CAPN3: variants seen among roughly 807,000 people sequenced by gnomAD.
CAPN3 encodes calpain 3.
In CAPN3, 88 loss-of-function variants were observed where a neutral mutation model predicts 114.0. The observed-to-expected ratio is 0.77, with a 90% CI of 0.65 to 0.92. The LOEUF is 0.92. Ranked by LOEUF, CAPN3 falls within the 40% of genes least tolerant of loss-of-function variation. The pLI, the probability that CAPN3 is intolerant of heterozygous loss-of-function variation, is 0.00. For synonymous variants in CAPN3, 386 were observed against 382.9 expected, an observed-to-expected ratio of 1.01 and a Z score of -0.09; for missense variants, 1,028 against 1,069.0, an observed-to-expected ratio of 0.96 and a Z score of 0.53.
chr15:42,410,861 C>T, intron 21 of CAPN3, 23 bp from the exon 22 acceptor site: 1 of 1,586,722 alleles, frequency 6.3e-7, no homozygotes, highest in East Asian at 2.2e-5. Context: ...CCACGTCCAC[C>T]TCTAACATGG....
intron 17 of CAPN3, 99 bp downstream of exon 17, chr15:42,409,479 A>G: frequency 8.3e-7 from 1 of 1,200,626 alleles, no homozygotes; most frequent in South Asian, 1.3e-5. Context: ...GGTAGAGGTC[A>G]CTTTGGACTT....
Position 42,386,189 on chromosome 15 carries a change from C to T in CAPN3, c.402C>T (p.Ala134=), listed in dbSNP as rs759713838. ...CAGGGGACTGCTGGTTTCTCGCAGC[C>T]ATTGCCTGCCTGACCCTGAACCAGC... ...GELGDCWFLA[A]IACLTLNQHL... is the part of the protein sequence containing the mutation. Residue 134 remains alanine (A), a synonymous_variant, in exon 3 of 24, where the codon GCC becomes GCT. Transcript: ENST00000397163. The T allele has an allele frequency of 3.7e-6, 6 of 1,613,766 alleles. No homozygotes were observed. In the East Asian group the frequency reaches 1.1e-4, roughly 30 times the overall value.
At chr15:42,367,416 G>C (rs2052817287) in intron 1 of CAPN3, among the ~76,000 whole-genome samples, 1 of 152,214 alleles carries the variant, frequency 6.6e-6, no homozygotes, top group Non-Finnish European at 1.5e-5. Flanking sequence ...GTGGCATTCT[G>C]CTGAAGAGGA....
rs1159858023 is a variant in CAPN3, at chr15:42,401,707, C to T, written c.1421C>T (p.Ser474Leu). ...LLEEDDDPDDSEVICSFLVAL... is the reference protein window; with the variant it reads ...LLEEDDDPDDLEVICSFLVAL... ...GAGGAGGACGATGACCCTGATGACT[C>T]GGAGGTGATTTGCAGCTTCCTGGTG... Residue 474 changes from serine (S) to leucine (L), a missense_variant, in exon 11 of 24, where the codon TCG (serine) becomes TTG (leucine). By Grantham distance (145) the Ser-to-Leu change is moderately radical. Coordinates refer to ENST00000397163, the MANE Select transcript of CAPN3 (RefSeq NM_000070.3). 5 of 1,613,996 alleles carry T rather than the reference C, an allele frequency of 3.1e-6. No individual in the cohort carries two copies. Among genetic ancestry groups the T allele is most frequent in the Admixed American group, 1.7e-5 (1 of 59,996 alleles).
intron 9 of CAPN3, 142 bp downstream of exon 9, chr15:42,397,019 C>G: frequency 2.9e-6 from 2 of 694,378 alleles, no homozygotes; most frequent in Non-Finnish European, 5.2e-6. Flanking sequence ...CAAGGCCCAG[C>G]AAGGATGAGG....
At position 42,411,343 on chromosome 15, in the gene CAPN3, G is replaced by C. The variant is rs2054224111; in HGVS notation, c.2437G>C (p.Glu813Gln). Reference sequence around the variant, plus strand: ...TGGTATCATCAAGCTCAACGTTCTGGAGGTAAAGCATAGGCACAGCACATT... The same window carrying C: ...TGGTATCATCAAGCTCAACGTTCTGCAGGTAAAGCATAGGCACAGCACATT... ...GDGIIKLNVL[E>Q]WLQLTMYA The change falls in exon 23 of 24, where the codon GAG becomes CAG. Residue 813 changes from glutamate to glutamine, a missense_variant and splice_region_variant. Coordinates refer to ENST00000397163, the MANE Select transcript of CAPN3 (RefSeq NM_000070.3). 2 of 1,613,814 alleles carry C rather than the reference G, an allele frequency of 1.2e-6. No individual in the cohort carries two copies. The highest frequency in any genetic ancestry group is 2.2e-5 in the South Asian group (2 of 91,078).
chr15:42,373,296 A>C (rs562140339), intron 1 of CAPN3, among the ~76,000 whole-genome samples: 3 of 152,318 alleles, frequency 2.0e-5, no homozygotes, highest in Admixed American at 6.5e-5. Flanking sequence ...GACCCCTACC[A>C]AATCCTCAGG....
At chr15:42,364,583 C>T (rs956002148) in intron 1 of CAPN3, among the ~76,000 whole-genome samples, 1 of 152,210 alleles carries the variant, frequency 6.6e-6, no homozygotes, top group East Asian at 1.9e-4. Context: ...TGAATGCTCC[C>T]CTCATGGGCA....
chr15:42,394,166 C>A lies in CAPN3; in HGVS notation c.1030-90C>A, dbSNP rs1347074891. On this transcript the variant is annotated intron_variant, in intron 7 of 23. Coordinates refer to ENST00000397163, the MANE Select transcript of CAPN3 (RefSeq NM_000070.3). ...AGAACACCCTCGCGTAAGAGATTTG[C>A]CCCCCAGCCCCGTCCCAGCCCTCAG... 4 of 1,197,214 alleles carry A rather than the reference C, an allele frequency of 3.3e-6. No homozygotes were observed. The South Asian group carries it at 5.2e-5, about 16-fold the overall frequency. 74.2% of individuals were successfully genotyped at this position (1,197,214 alleles called of 1,614,324 possible).
chr15:42,380,368 CTTTTTTTTTTTTT>C (rs776441239), intron 1 of CAPN3, among the ~76,000 whole-genome samples: 1 of 46,108 alleles, frequency 2.2e-5, no homozygotes. Flanking sequence ...TCTTTTTTGT[CTTTTTTTTTTTTT>C]TTTTTTTTTT....
intron 1 of CAPN3, among the ~76,000 whole-genome samples, chr15:42,375,190 G>A (rs2053057177): frequency 6.6e-6 from 1 of 151,792 alleles, no homozygotes; most frequent in Admixed American, 6.6e-5. Context: ...TTTGGGGTGG[G>A]AGAGTAGAGT....
At chr15:42,392,204 T>TA (rs2053573605) in intron 6 of CAPN3, among the ~76,000 whole-genome samples, 1 of 151,992 alleles carries the variant, frequency 6.6e-6, no homozygotes, top group Non-Finnish European at 1.5e-5. Flanking sequence ...AAGCTAGACT[T>TA]ACATGTGTCA....
intron 1 of CAPN3, among the ~76,000 whole-genome samples, chr15:42,368,658 T>A (rs1320510329): frequency 6.6e-6 from 1 of 152,240 alleles, no homozygotes; most frequent in Non-Finnish European, 1.5e-5. Context: ...AATACAGTGT[T>A]CTCAGCGTTA....
intron 10 of CAPN3, among the ~76,000 whole-genome samples, chr15:42,400,611 G>A (rs777377976): frequency 3.0e-4 from 46 of 151,978 alleles, no homozygotes; most frequent in African/African-American, 7.0e-4. Flanking sequence ...GCTTGAGCTC[G>A]GGAGGTTGAG....
At chr15:42,397,512 C>T (rs954790082) in intron 9 of CAPN3, among the ~76,000 whole-genome samples, 3 of 152,004 alleles carry the variant, frequency 2.0e-5, no homozygotes, top group East Asian at 3.9e-4. Context: ...GGCGTGGCAG[C>T]GTGCGCCTGT....
intron 1 of CAPN3, among the ~76,000 whole-genome samples, chr15:42,376,551 T>G (rs181377244): frequency 4.1e-5 from 3 of 73,380 alleles, no homozygotes; most frequent in Middle Eastern, 5.4e-3. Context: ...TGTTTGTGGG[T>G]TTTTTTTTTT....
At chr15:42,404,040 C>G in intron 14 of CAPN3, 4 of 587,140 alleles carry the variant, frequency 6.8e-6, no homozygotes, top group South Asian at 6.1e-5. Flanking sequence ...TTTGAACAAT[C>G]GGAGGGAACA....
At chr15:42,386,386 T>C (rs1338183341) in intron 3 of CAPN3, 101 bp downstream of exon 3, 1 of 849,688 alleles carries the variant, frequency 1.2e-6, no homozygotes, top group Non-Finnish European at 2.0e-6. Context: ...TTCCCACCCA[T>C]CTACCCGCAG....
rs765265492 is a variant in CAPN3 at position 42,411,736 on chromosome 15, A to ACTT, written c.2440-7_2440-5dup. 345 of 1,150,738 alleles carry ACTT rather than the reference A, an allele frequency of 3.0e-4. No homozygotes were observed. In the South Asian group the frequency reaches 4.0e-3, roughly 13 times the overall value. The allele number at this position is 1,150,738 out of a possible 1,614,324, so 71.3% of individuals were successfully genotyped here. On this transcript the variant is annotated splice_polypyrimidine_tract_variant and intron_variant, in intron 23 of 23. Coordinates refer to ENST00000397163, the MANE Select transcript of CAPN3 (RefSeq NM_000070.3). The stretch of plus-strand genomic sequence containing the variant: ...TTCTGATCTACATTCTGATCTTGGG[A>ACTT]CTTCTTTCAGTGGCTGCAGCTCACC...
Sources: allele counts gnomAD v4.1 joint callset (sites outside exome capture counted in the v4.1 genomes callset), GRCh38; gene constraint gnomAD v4.1.1; transcripts MANE v1.5; gene names NCBI Gene and HGNC (gene_info 2026-07-23, HGNC 2026-07-21).